The following NT5DC3 variants were observed in gnomAD, a reference collection of about 807,000 sequenced individuals.
The protein encoded by NT5DC3 is 5'-nucleotidase domain-containing protein 3.
NT5DC3 carries 42 observed loss-of-function variants against 67.8 expected under a neutral mutation model. That is an observed-to-expected ratio of 0.62 (90% CI 0.48 to 0.80). The LOEUF (loss-of-function observed/expected upper bound fraction) is 0.80. Ranked by LOEUF, NT5DC3 falls within the 30% of genes least tolerant of loss-of-function variation. NT5DC3 has a pLI of 0.00. For synonymous variants in NT5DC3, 237 were observed against 255.6 expected (o/e 0.93, Z 0.69); for missense variants, 570 against 696.4 (o/e 0.82, Z 2.04).
the NT5DC3 span, among the ~76,000 whole-genome samples, chr12:103,757,510 T>C: frequency 1.3e-5 from 2 of 152,342 alleles, no homozygotes; most frequent in Admixed American, 1.3e-4. Flanking sequence ...ATCCAGATCC[T>C]ATGGAAAAAG....
In NT5DC3 at chr12:103,776,501, G is replaced by C. The variant is rs1885342483; in HGVS notation, c.*1328C>G. The stretch of plus-strand genomic sequence containing the variant: ...ACCCGGGAGGCAGAGGTTGCAGTGA[G>C]CTGAGATTGTGCCACTGCACTCCAG... On this transcript the variant is annotated 3_prime_UTR_variant, in exon 14 of 14. Transcript: ENST00000392876. The C allele has an allele frequency of 6.6e-6, 1 of 152,248 alleles. No individual in the cohort carries two copies. Among genetic ancestry groups the C allele is most frequent in the Non-Finnish European group, 1.5e-5 (1 of 68,086 alleles). 9.4% of individuals were successfully genotyped at this position (152,248 alleles called of 1,614,324 possible).
chr12:103,817,278 A>C (rs1887304047), intron 1 of NT5DC3, among the ~76,000 whole-genome samples: 1 of 152,258 alleles, frequency 6.6e-6, no homozygotes, highest in Non-Finnish European at 1.5e-5. Context: ...TCATCAGATT[A>C]ATCATTTAAC....
chr12:103,809,053 G>A (rs539375946), intron 2 of NT5DC3, among the ~76,000 whole-genome samples: 2 of 152,204 alleles, frequency 1.3e-5, no homozygotes, highest in African/African-American at 4.8e-5. Context: ...GGTTGAGCCA[G>A]TATTTGAACC....
chr12:103,785,849 C>G (rs1331044792), intron 11 of NT5DC3: 4 of 415,436 alleles, frequency 9.6e-6, no homozygotes, highest in Non-Finnish European at 1.8e-5. Flanking sequence ...CATCCACAGA[C>G]CTGTGTGTGC....
intron 1 of NT5DC3, among the ~76,000 whole-genome samples, chr12:103,833,610 A>G (rs954624966): frequency 6.6e-6 from 1 of 152,102 alleles, no homozygotes; most frequent in African/African-American, 2.4e-5. Flanking sequence ...ACACCCTATA[A>G]AAGCTTCTAA....
chr12:103,750,555 T>C, the NT5DC3 span: 3 of 1,611,404 alleles, frequency 1.9e-6, no homozygotes, highest in Non-Finnish European at 2.5e-6. Flanking sequence ...AACTTTTTCA[T>C]CTCTTCCCAC....
chr12:103,749,841 C>CAA, the NT5DC3 span, among the ~76,000 whole-genome samples: 42 of 51,154 alleles, frequency 8.2e-4, 3 homozygotes, highest in African/African-American at 1.9e-3. Context: ...CTCTGTCTCA[C>CAA]AAAAAAAAAA....
chr12:103,763,680 A>C, the NT5DC3 span: 2 of 1,337,938 alleles, frequency 1.5e-6, no homozygotes, highest in African/African-American at 1.5e-5. Flanking sequence ...AGGAAATTTC[A>C]GTGGAGATCT....
At chr12:103,785,613 T>C in intron 11 of NT5DC3, 138 bp from the exon 12 acceptor site, 1 of 861,354 alleles carries the variant, frequency 1.2e-6, no homozygotes. Context: ...CTGAATTCAA[T>C]GAATTACATT....
intron 4 of NT5DC3, among the ~76,000 whole-genome samples, chr12:103,805,405 C>T (rs945910426): frequency 4.6e-5 from 7 of 152,260 alleles, no homozygotes; most frequent in Admixed American, 1.3e-4. Flanking sequence ...TAAAAATAAA[C>T]AAGCATTAAT....
At chr12:103,790,931 C>T (rs1014051531) in intron 9 of NT5DC3, among the ~76,000 whole-genome samples, 23 of 151,642 alleles carry the variant, frequency 1.5e-4, no homozygotes, top group African/African-American at 5.6e-4. Context: ...CCTTGTGATC[C>T]GCCCGCCTCA....
At chr12:103,750,597 T>C in the NT5DC3 span, 2 of 1,614,090 alleles carry the variant, frequency 1.2e-6, no homozygotes, top group Admixed American at 3.3e-5. Flanking sequence ...CAAGTGTGAG[T>C]GTAAAAGTCA....
At chr12:103,816,655 C>G (rs1200454184) in intron 1 of NT5DC3, among the ~76,000 whole-genome samples, 1 of 152,092 alleles carries the variant, frequency 6.6e-6, no homozygotes, top group African/African-American at 2.4e-5. Flanking sequence ...TTCCATGAGT[C>G]CACTGGATGC....
At chr12:103,762,165 T>C in the NT5DC3 span, 1 of 1,446,014 alleles carries the variant, frequency 6.9e-7, no homozygotes, top group Non-Finnish European at 9.4e-7. Context: ...TGTTAACATG[T>C]CAGTATTTTT....
intron 12 of NT5DC3, among the ~76,000 whole-genome samples, chr12:103,781,082 AT>A (rs1212888570): frequency 2.6e-5 from 4 of 152,204 alleles, no homozygotes; most frequent in African/African-American, 9.7e-5. Flanking sequence ...CAAAAAGAAA[AT>A]GCCAATTGCC....
chr12:103,820,034 C>CT (rs1310647317), intron 1 of NT5DC3, among the ~76,000 whole-genome samples: 2 of 152,176 alleles, frequency 1.3e-5, no homozygotes, highest in African/African-American at 4.8e-5. Context: ...TGGTCTTTGT[C>CT]TTTTTGCATA....
At chr12:103,799,804 C>CAAAAAAAAAAAT (rs1269694530) in intron 4 of NT5DC3, among the ~76,000 whole-genome samples, 108 of 131,562 alleles carry the variant, frequency 8.2e-4, no homozygotes, top group African/African-American at 2.9e-3. Context: ...CTCCACATAC[C>CAAAAAAAAAAAT]AAAAAAAAAA....
At chr12:103,799,537 G>A (rs1415342869) in intron 4 of NT5DC3, among the ~76,000 whole-genome samples, 1 of 152,120 alleles carries the variant, frequency 6.6e-6, no homozygotes, top group Non-Finnish European at 1.5e-5. Flanking sequence ...CCGCTATGTG[G>A]AACTATGAGT....
intron 2 of NT5DC3, among the ~76,000 whole-genome samples, chr12:103,812,656 G>A (rs1469902687): frequency 2.6e-5 from 4 of 152,166 alleles, no homozygotes; most frequent in East Asian, 1.9e-4. Context: ...ACATGGAGTC[G>A]AGGAGAGAAT....
Sources: gnomAD v4.1 joint callset for allele counts (sites outside exome capture counted in the v4.1 genomes callset) on GRCh38, gnomAD v4.1.1 for gene constraint, MANE v1.5 for transcripts, NCBI Gene and HGNC (gene_info 2026-07-23, HGNC 2026-07-21) for gene names.